Variants in RIMS3 observed in about 807,000 individuals in gnomAD.
The protein encoded by RIMS3 is regulating synaptic membrane exocytosis 3.
Under a neutral mutation model 29.2 loss-of-function variants are expected in RIMS3, and 15 were observed. That is an observed-to-expected ratio of 0.51 (90% CI 0.34 to 0.79). The LOEUF (loss-of-function observed/expected upper bound fraction) is 0.79, where lower values mean the gene tolerates loss of function less well. Among genes scored for constraint, RIMS3 ranks in the 30% least tolerant of loss-of-function variants. The pLI, the probability that RIMS3 is intolerant of heterozygous loss-of-function variation, is 0.01. For synonymous variants in RIMS3, 161 were observed against 170.1 expected (o/e 0.95, Z 0.41); for missense variants, 342 against 421.4 (o/e 0.81, Z 1.65).
rs139083681 is a variant in RIMS3, at chr1:40,637,695, C to T, written c.218-1638G>A. 3.0e-3 allele frequency among the ~76,000 whole-genome samples: 458 copies of T among 152,306 alleles called. 4 individuals carry two copies. Among genetic ancestry groups the T allele is most frequent in the Admixed American group, 5.6e-3 (85 of 15,298 alleles). ...TGGTCACATGTACACATGATGGACTCTGCCACCTTCAGTCAAGTCACAGAC... is the reference window on the plus strand; with the variant it reads ...TGGTCACATGTACACATGATGGACTTTGCCACCTTCAGTCAAGTCACAGAC... On this transcript the variant is annotated intron_variant, in intron 3 of 7. Coordinates refer to ENST00000372684, the MANE Select transcript of RIMS3 (RefSeq NM_014747.3).
upstream of RIMS3, among the ~76,000 whole-genome samples, chr1:40,667,514 C>G (rs891239392): frequency 2.6e-5 from 4 of 152,150 alleles, no homozygotes; most frequent in Admixed American, 1.3e-4. Context: ...TTAGCACTAT[C>G]TCTCTGGAGA....
the RIMS3 span, among the ~76,000 whole-genome samples, chr1:40,672,458 A>G: frequency 2.0e-5 from 3 of 152,110 alleles, no homozygotes; most frequent in Admixed American, 2.0e-4. Flanking sequence ...TCGGCCTCCT[A>G]AAGTGCTGGG....
intron 3 of RIMS3, among the ~76,000 whole-genome samples, chr1:40,638,877 G>A (rs1176717546): frequency 2.6e-5 from 4 of 152,202 alleles, no homozygotes; most frequent in South Asian, 2.1e-4. Flanking sequence ...TAAATTTCCC[G>A]AGGTCCCATG....
At chr1:40,637,806 C>T (rs1041380032) in intron 3 of RIMS3, among the ~76,000 whole-genome samples, 5 of 152,182 alleles carry the variant, frequency 3.3e-5, no homozygotes, top group Non-Finnish European at 7.3e-5. Flanking sequence ...GTGTCTGACT[C>T]ACCTCACACA....
chr1:40,658,539 A>G (rs922081175), intron 1 of RIMS3, among the ~76,000 whole-genome samples: 7 of 152,194 alleles, frequency 4.6e-5, no homozygotes, highest in Admixed American at 3.9e-4. Flanking sequence ...GATCCTTCCC[A>G]GTAGGCTACA....
chr1:40,688,614 C>T, the RIMS3 span, among the ~76,000 whole-genome samples: 1 of 152,196 alleles, frequency 6.6e-6, no homozygotes, highest in Non-Finnish European at 1.5e-5. Context: ...ATCGCCAAGA[C>T]ACTTGCTGGG....
Position 40,653,636 on chromosome 1 carries a change from C to G in RIMS3, c.-206-5794G>C, listed in dbSNP as rs1036161159. On this transcript the variant is annotated intron_variant, in intron 1 of 7. Transcript: ENST00000372684. ...CGGGGCTCTGAAGCACTTATTCCAG[C>G]TCAATCCTAGTACAGGAAGGACAAT... is the stretch of plus-strand genomic sequence containing the variant. Among the ~76,000 whole-genome samples the G allele has an allele frequency of 3.3e-5, 5 of 152,164 alleles. No individual in the cohort carries two copies. In the East Asian group the frequency reaches 9.6e-4, roughly 29 times the overall value.
intron 5 of RIMS3, among the ~76,000 whole-genome samples, chr1:40,632,047 GC>G (rs1646492304): frequency 6.6e-6 from 1 of 152,066 alleles, no homozygotes; most frequent in Admixed American, 6.6e-5. Flanking sequence ...CCTCCCATAT[GC>G]TTTATTTTAT....
At chr1:40,642,104 AT>A in intron 2 of RIMS3, 148 bp from the exon 3 acceptor site, 1 of 610,440 alleles carries the variant, frequency 1.6e-6, no homozygotes, top group Non-Finnish European at 2.9e-6. Context: ...TGTCAAGAGC[AT>A]GCACAGGTTC....
At position 40,650,571 on chromosome 1, in the gene RIMS3, T is replaced by C. The variant is rs369952930; in HGVS notation, c.-206-2729A>G. 8.3e-4 allele frequency among the ~76,000 whole-genome samples: 126 copies of C among 152,124 alleles called. 2 individuals are homozygous for C. In the South Asian group the frequency reaches 0.025, roughly 30 times the overall value. Reference sequence around the variant, plus strand: ...CTTGCTTCTTTTCAGTCCTCAAAAGTACCACCTTGGGCCGGGCGTGGGGCT... The same window carrying C: ...CTTGCTTCTTTTCAGTCCTCAAAAGCACCACCTTGGGCCGGGCGTGGGGCT... On this transcript the variant is annotated intron_variant, in intron 1 of 7. Transcript: ENST00000372684.
chr1:40,680,493 G>A, the RIMS3 span, among the ~76,000 whole-genome samples: 5 of 151,990 alleles, frequency 3.3e-5, no homozygotes, highest in East Asian at 3.9e-4. Flanking sequence ...CACCATACCC[G>A]GCTAATTTTT....
At chr1:40,691,641 G>A in the RIMS3 span, 5 of 430,338 alleles carry the variant, frequency 1.2e-5, no homozygotes, top group African/African-American at 6.3e-5. Flanking sequence ...CACAGCTTCT[G>A]CGCACCGCAC....
the RIMS3 span, among the ~76,000 whole-genome samples, chr1:40,672,399 C>G: frequency 1.1e-3 from 167 of 151,860 alleles, no homozygotes; most frequent in Middle Eastern, 0.01. Flanking sequence ...GGGGTTTCAC[C>G]GTGTTAGCCA....
upstream of RIMS3, among the ~76,000 whole-genome samples, chr1:40,668,503 G>T (rs996692971): frequency 3.3e-5 from 3 of 91,430 alleles, no homozygotes; most frequent in South Asian, 3.9e-4. Context: ...GGGGGGGGGG[G>T]GTTGGTGGCG....
intron 1 of RIMS3, among the ~76,000 whole-genome samples, chr1:40,650,012 T>C (rs1294443103): frequency 1.3e-5 from 2 of 152,174 alleles, no homozygotes; most frequent in South Asian, 2.1e-4. Flanking sequence ...GCCCCTGATG[T>C]TCCCCCAGGG....
rs1484336367 is a variant in RIMS3, at chr1:40,665,394, C to T, written c.-207G>A. 1.3e-5 allele frequency: 2 copies of T among 152,486 alleles called. No individual in the cohort carries two copies. 9.4% of individuals were successfully genotyped at this position (152,486 alleles called of 1,614,324 possible). On this transcript the variant is annotated splice_region_variant and 5_prime_UTR_variant, in exon 1 of 8. Coordinates refer to ENST00000372684, the MANE Select transcript of RIMS3 (RefSeq NM_014747.3). ...AGGCGAGCAAGGCCTGCTGACTTAC[C>T]CGGAGGTGGGGCCGGGGTCCAGACA...
At position 40,641,697 on chromosome 1, in the gene RIMS3, A is replaced by G; in HGVS notation, c.217+12T>C. On this transcript the variant is annotated intron_variant, in intron 3 of 7. Transcript: ENST00000372684. ...CCCCACCTCTACCCCGTGATGTCCCATGCCCCCTCACCAGGCTGCGGAAGC... is the reference window on the plus strand; with the variant it reads ...CCCCACCTCTACCCCGTGATGTCCCGTGCCCCCTCACCAGGCTGCGGAAGC... The G allele has an allele frequency of 6.2e-7, 1 of 1,613,824 alleles. No individual in the cohort carries two copies. Among genetic ancestry groups the G allele is most frequent in the Non-Finnish European group, 8.5e-7 (1 of 1,179,790 alleles).
chr1:40,678,733 A>G, the RIMS3 span, among the ~76,000 whole-genome samples: 1 of 152,340 alleles, frequency 6.6e-6, no homozygotes, highest in Non-Finnish European at 1.5e-5. Flanking sequence ...GCCTCAGCTG[A>G]AAGCTTAGCG....
rs781311873 is a variant in RIMS3, at chr1:40,626,737, G to C, written c.715-8C>G. On this transcript the variant is annotated splice_region_variant and splice_polypyrimidine_tract_variant and intron_variant, in intron 7 of 7. Coordinates refer to ENST00000372684, the MANE Select transcript of RIMS3 (RefSeq NM_014747.3). ...GTCTCCCCAGACGATCACCTGCCAG[G>C]AGGAAGAGAGGGAGGGAGTGAGCCA... The C allele has an allele frequency of 6.2e-7, 1 of 1,613,666 alleles. No individual in the cohort carries two copies. Among genetic ancestry groups the C allele is most frequent in the Non-Finnish European group, 8.5e-7 (1 of 1,179,746 alleles).
Sources: gnomAD v4.1 joint callset for allele counts (sites outside exome capture counted in the v4.1 genomes callset) on GRCh38, gnomAD v4.1.1 for gene constraint, MANE v1.5 for transcripts, NCBI Gene and HGNC (gene_info 2026-07-23, HGNC 2026-07-21) for gene names.